DOT1L: variants seen among roughly 807,000 people sequenced by gnomAD.
DOT1L encodes the protein histone-lysine N-methyltransferase, H3 lysine-79 specific.
DOT1L carries 33 observed loss-of-function variants against 153.3 expected under a neutral mutation model. That is an observed-to-expected ratio of 0.22 (90% CI 0.16 to 0.29). DOT1L has a LOEUF of 0.29. Ranked by LOEUF, DOT1L falls within the 10% of genes least tolerant of loss-of-function variation. The pLI is 1.00. For synonymous variants in DOT1L, 1,135 were observed against 965.1 expected (o/e 1.18, Z -3.26); for missense variants, 1,847 against 2,119.9 (o/e 0.87, Z 2.53).
chr19:2,206,566 A>C lies in DOT1L; in HGVS notation c.788-163A>C, dbSNP rs572303215. On this transcript the variant is annotated intron_variant, in intron 9 of 27. Coordinates refer to ENST00000398665, the MANE Select transcript of DOT1L (RefSeq NM_032482.3). ...AAAAGTTATTTGTAGAATAGGCTTC[A>C]ACTTGGAAGGTGTTTCCTAGTGTTG... 3.2e-3 allele frequency among the ~76,000 whole-genome samples: 488 copies of C among 151,486 alleles called. 1 individual carries two copies. Among genetic ancestry groups the C allele is most frequent in the African/African-American group, 0.011 (471 of 41,260 alleles).
At chr19:2,189,579 C>T (rs907769446) in intron 3 of DOT1L, among the ~76,000 whole-genome samples, 153 bp from the exon 4 acceptor site, 8 of 152,220 alleles carry the variant, frequency 5.3e-5, no homozygotes, top group South Asian at 2.1e-4. Flanking sequence ...GGGCGGAAAG[C>T]GAGGCTTCTG....
rs781254082 is a variant in DOT1L at position 2,216,665 on chromosome 19, G to A, written c.2308G>A (p.Asp770Asn). 34 of 1,604,286 alleles carry A rather than the reference G, an allele frequency of 2.1e-5. No homozygotes were observed. The highest frequency in any genetic ancestry group is 1.7e-4 in the Middle Eastern group (1 of 6,034). Residue 770 changes from aspartate to asparagine, a missense_variant, in exon 20 of 28, where the codon GAC becomes AAC. Physicochemically the swap from Asp to Asn is conservative, Grantham distance 23. Coordinates refer to ENST00000398665, the MANE Select transcript of DOT1L (RefSeq NM_032482.3). ...LEKLSGLAAP[D>N]YTRLSPAKIV... ...GAAGCTGTCTGGCCTAGCCGCACCCGACTACACTAGGCTGTCCCCGGCCAA... is the reference window on the plus strand; with the variant it reads ...GAAGCTGTCTGGCCTAGCCGCACCCAACTACACTAGGCTGTCCCCGGCCAA...
chr19:2,177,515 T>G (rs1253467020), intron 1 of DOT1L, among the ~76,000 whole-genome samples: 1 of 152,136 alleles, frequency 6.6e-6, no homozygotes, highest in East Asian at 1.9e-4. Flanking sequence ...GTGGTAATAA[T>G]TTTTGTATTA....
chr19:2,207,810 C>T lies in DOT1L; in HGVS notation c.963+130C>T, dbSNP rs2023561481. The T allele has an allele frequency of 1.2e-6, 1 of 839,144 alleles. No homozygotes were observed. Among genetic ancestry groups the T allele is most frequent in the South Asian group, 1.8e-5 (1 of 56,888 alleles). The allele number at this position is 839,144 out of a possible 1,614,324, so 52.0% of individuals were successfully genotyped here. A position where few individuals can be genotyped will look rare whatever the true frequency, so the allele number is the denominator to read the frequency against. ...CAGAGCCCTCAACGCCCCCCGGCCC[C>T]TGAGCTCAGGCCCAGCTCCTCAAGG... is the stretch of plus-strand genomic sequence containing the variant. On this transcript the variant is annotated intron_variant, in intron 11 of 27. Coordinates refer to ENST00000398665, the MANE Select transcript of DOT1L (RefSeq NM_032482.3). This position sits in a 1 kb window ranked among gnomAD's most constrained non-coding sequence, Gnocchi z 4.5.
chr19:2,217,007 G>A lies in DOT1L; in HGVS notation c.2461G>A (p.Gly821Ser). 1 of 1,613,178 alleles carries A rather than the reference G, an allele frequency of 6.2e-7. No homozygotes were observed. The highest frequency in any genetic ancestry group is 1.1e-5 in the South Asian group (1 of 91,060). Residue 821 changes from glycine (G) to serine (S), a missense_variant, in exon 21 of 28, where the codon GGC becomes AGC. Physicochemically the swap from Gly to Ser is moderately conservative, Grantham distance 56. Transcript: ENST00000398665. The surrounding 1 kb of genome is among the most constrained non-coding windows in gnomAD (Gnocchi z 7.3). ...TCCCTACCAGAGCCCCAGCGTGCCT[G>A]GCAGCATGAAGCTGAGCCCTCAGGA... ...GLPYQSPSVPGSMKLSPQDPR... is the reference protein window; with the variant it reads ...GLPYQSPSVPSSMKLSPQDPR...
At chr19:2,218,052 CTGTCCAAAGCCGGGGCG>C (rs1359639719) in intron 22 of DOT1L, 134 bp downstream of exon 22, 2 of 1,313,720 alleles carry the variant, frequency 1.5e-6, no homozygotes, top group Non-Finnish European at 2.1e-6. Flanking sequence ...TCAAGGTGGG[CTGTCCAAAGCCGGGGCG>C]TGTCCGGTGA....
intron 3 of DOT1L, among the ~76,000 whole-genome samples, chr19:2,189,043 G>T (rs2022675143): frequency 6.6e-6 from 1 of 152,088 alleles, no homozygotes; most frequent in South Asian, 2.1e-4. Flanking sequence ...AGGGCAAGGA[G>T]GGCAGAGTTG....
chr19:2,180,808 T>C (rs1367601658), intron 2 of DOT1L, 52 bp downstream of exon 2: 1 of 1,605,378 alleles, frequency 6.2e-7, no homozygotes. Context: ...GCCACTTCCG[T>C]GGACACCCGT....
At position 2,197,854 on chromosome 19, in the gene DOT1L, G is replaced by C. The variant is rs985695994; in HGVS notation, c.652-2030G>C. On this transcript the variant is annotated intron_variant, in intron 7 of 27. Coordinates refer to ENST00000398665, the MANE Select transcript of DOT1L (RefSeq NM_032482.3). The surrounding 1 kb of genome is among the most constrained non-coding windows in gnomAD (Gnocchi z 4.1). ...CAACCCTGCTGCGGAGGGTGGGTCA[G>C]AGAGGCTTCCACCTGACTGTTCCCT... Among the ~76,000 whole-genome samples, 2 of 152,210 alleles carry C rather than the reference G, an allele frequency of 1.3e-5. No individual in the cohort carries two copies. The highest frequency in any genetic ancestry group is 2.9e-5 in the Non-Finnish European group (2 of 68,036).
rs1435040189 is a variant in DOT1L at position 2,216,421 on chromosome 19, C to T, written c.2064C>T (p.Ser688=). The T allele has an allele frequency of 6.2e-7, 1 of 1,612,338 alleles. No homozygotes were observed. The highest frequency in any genetic ancestry group is 1.3e-5 in the African/African-American group (1 of 74,924). The change falls in exon 20 of 28, where the codon AGC becomes AGT. Residue 688 remains serine (S), a synonymous_variant. Coordinates refer to ENST00000398665, the MANE Select transcript of DOT1L (RefSeq NM_032482.3). ...ALGRELEPDA[S]RLHLELDCTK... is the part of the protein sequence containing the mutation. Reference sequence around the variant, plus strand: ...GCCGCGAGCTGGAGCCTGACGCCAGCCGGCTGCACCTGGAGCTGGACTGCA... The same window carrying T: ...GCCGCGAGCTGGAGCCTGACGCCAGTCGGCTGCACCTGGAGCTGGACTGCA...
At position 2,220,635 on chromosome 19, in the gene DOT1L, G is replaced by A. The variant is rs1298706990; in HGVS notation, c.2806+413G>A. The A allele has an allele frequency of 2.4e-6, 1 of 422,290 alleles. No homozygotes were observed. The highest frequency in any genetic ancestry group is 2.7e-5 in the Admixed American group (1 of 37,698). 26.2% of individuals were successfully genotyped at this position (422,290 alleles called of 1,614,324 possible). A position where few individuals can be genotyped will look rare whatever the true frequency, so the allele number is the denominator to read the frequency against. ...GGCATGGTTTCTGGTTCCTTGAGAA[G>A]GTGCCGCCTGAGCAGTCTCTGCTGT... is the stretch of plus-strand genomic sequence containing the variant. On this transcript the variant is annotated intron_variant, in intron 23 of 27. Coordinates refer to ENST00000398665, the MANE Select transcript of DOT1L (RefSeq NM_032482.3). This position sits in a 1 kb window ranked among gnomAD's most constrained non-coding sequence, Gnocchi z 4.5.
At chr19:2,167,591 C>T (rs938304433) in intron 1 of DOT1L, among the ~76,000 whole-genome samples, 10 of 152,242 alleles carry the variant, frequency 6.6e-5, no homozygotes, top group African/African-American at 1.4e-4. Flanking sequence ...GGCCCACTGC[C>T]GGGCCCAGCA....
At position 2,227,207 on chromosome 19, in the gene DOT1L, T is replaced by G. The variant is rs760188386; in HGVS notation, c.4606+80T>G. On this transcript the variant is annotated intron_variant, in intron 27 of 27. Coordinates refer to ENST00000398665, the MANE Select transcript of DOT1L (RefSeq NM_032482.3). ...TTCCTTTGCAGGTTCCCTTCCGCAC[T>G]CTCTTGCAGCAGGAGCTGAGCTGCA... 2.0e-6 allele frequency: 3 copies of G among 1,536,948 alleles called. No homozygotes were observed. In the Admixed American group the frequency reaches 5.0e-5, roughly 26 times the overall value.
chr19:2,232,060 T>G lies in DOT1L; in HGVS notation c.*2268T>G, dbSNP rs894025539. The stretch of plus-strand genomic sequence containing the variant: ...AGACTGAGGGGTGGTGTGTGGCGGG[T>G]GGCAGGGTGGCTGTGGAGACTGGGG... On this transcript the variant is annotated 3_prime_UTR_variant, in exon 28 of 28. Transcript: ENST00000398665. 1 of 209,966 alleles carries G rather than the reference T, an allele frequency of 4.8e-6. No homozygotes were observed. The highest frequency in any genetic ancestry group is 9.7e-6 in the Non-Finnish European group (1 of 103,350). The allele number at this position is 209,966 out of a possible 1,614,324, so 13.0% of individuals were successfully genotyped here. A position where few individuals can be genotyped will look rare whatever the true frequency, so the allele number is the denominator to read the frequency against.
intron 26 of DOT1L, 21 bp downstream of exon 26, chr19:2,225,473 G>T (rs764863660): frequency 6.2e-7 from 1 of 1,613,172 alleles, no homozygotes; most frequent in African/African-American, 1.3e-5. Context: ...AGTGTTTTGC[G>T]GCGTGGCCAG....
intron 12 of DOT1L, 88 bp from the exon 13 acceptor site, chr19:2,210,312 C>G: frequency 1.6e-6 from 2 of 1,223,022 alleles, no homozygotes; most frequent in Non-Finnish European, 2.2e-6. Flanking sequence ...CCGTGGCCCC[C>G]TTGAGTCTGA....
intron 1 of DOT1L, among the ~76,000 whole-genome samples, chr19:2,171,749 C>A (rs1048172549): frequency 1.3e-5 from 2 of 152,202 alleles, no homozygotes; most frequent in Non-Finnish European, 2.9e-5. Context: ...TGCGTGCAGT[C>A]CCCGCCCACT....
chr19:2,208,790 G>C lies in DOT1L; in HGVS notation c.964-145G>C. ...TCACATCCGCGTTTGCCACTGGGGG[G>C]CTCTAGCTGCATGCCTGCTGTCCCC... is the stretch of plus-strand genomic sequence containing the variant. On this transcript the variant is annotated intron_variant, in intron 11 of 27. Transcript: ENST00000398665. The surrounding 1 kb of genome is among the most constrained non-coding windows in gnomAD (Gnocchi z 4.4). 2.5e-6 allele frequency: 2 copies of C among 797,616 alleles called. No homozygotes were observed. Among genetic ancestry groups the C allele is most frequent in the Admixed American group, 2.5e-5 (1 of 40,084 alleles). The allele number at this position is 797,616 out of a possible 1,614,324, so 49.4% of individuals were successfully genotyped here.
chr19:2,192,985 G>C (rs2022862616), intron 5 of DOT1L, among the ~76,000 whole-genome samples: 1 of 152,220 alleles, frequency 6.6e-6, no homozygotes, highest in South Asian at 2.1e-4. Context: ...GCCCATTGTG[G>C]TCGCTCCATG....
Sources: allele counts gnomAD v4.1 joint callset (sites outside exome capture counted in the v4.1 genomes callset), GRCh38; gene constraint gnomAD v4.1.1; non-coding constraint Gnocchi (gnomAD v3.1); transcripts MANE v1.5; gene names NCBI Gene and HGNC (gene_info 2026-07-23, HGNC 2026-07-21).